PPIL6: variants seen among roughly 807,000 people sequenced by gnomAD.
The protein encoded by PPIL6 is probable inactive peptidyl-prolyl cis-trans isomerase-like 6.
In PPIL6, 39 loss-of-function variants were observed where a neutral mutation model predicts 36.8. The observed-to-expected ratio is 1.06, with a 90% CI of 0.82 to 1.38. PPIL6 has a LOEUF of 1.38. PPIL6 is among the 40% of genes most tolerant of loss of function. The pLI is 0.00. For synonymous variants in PPIL6, 123 were observed against 134.1 expected, an observed-to-expected ratio of 0.92 and a Z score of 0.57; for missense variants, 368 against 379.1, an observed-to-expected ratio of 0.97 and a Z score of 0.24.
In PPIL6 at chr6:109,431,362, CAA is replaced by C. The variant is rs58424410; in HGVS notation, c.232-19_232-18del. The C allele has an allele frequency of 2.7e-3, 2,856 of 1,065,286 alleles. No homozygotes were observed. The highest frequency in any genetic ancestry group is 4.5e-3 in the South Asian group (198 of 44,478). 66.0% of individuals were successfully genotyped at this position (1,065,286 alleles called of 1,614,324 possible). On this transcript the variant is annotated intron_variant, in intron 2 of 7. Coordinates refer to ENST00000521072, the MANE Select transcript of PPIL6 (RefSeq NM_173672.5). The stretch of plus-strand genomic sequence containing the variant: ...TTTGAGTTCCTGTAAGGGAAAAGGA[CAA>C]AAAAAAAAAAAAACGTAAGAAGTGG...
chr6:109,440,051 G>C (rs1774717651), intron 1 of PPIL6: 2 of 271,110 alleles, frequency 7.4e-6, no homozygotes, highest in South Asian at 5.8e-5. Context: ...GGCCGAGGTG[G>C]CGGGGTTGTA....
rs375393264 is a variant in PPIL6, at chr6:109,429,444, A to AT, written c.420+1712dup. ...TCAATCTTTCTTTAGGATCTATTGG[A>AT]TTTTTTTTTTCCTAATTAAAATCTG... is the stretch of plus-strand genomic sequence containing the variant. On this transcript the variant is annotated intron_variant, in intron 3 of 7. Transcript: ENST00000521072. Among the ~76,000 whole-genome samples the AT allele has an allele frequency of 5.6e-4, 84 of 150,672 alleles. 1 individual carries two copies. Among genetic ancestry groups the AT allele is most frequent in the African/African-American group, 1.7e-3 (71 of 41,122 alleles).
At chr6:109,432,346 G>A (rs545291085) in intron 2 of PPIL6, among the ~76,000 whole-genome samples, 2 of 152,272 alleles carry the variant, frequency 1.3e-5, no homozygotes, top group East Asian at 3.9e-4. Context: ...TCAAAATGCA[G>A]TGTGTTAGTG....
intron 7 of PPIL6, among the ~76,000 whole-genome samples, chr6:109,396,813 A>G (rs942219150): frequency 6.6e-6 from 1 of 152,008 alleles, no homozygotes; most frequent in Admixed American, 6.6e-5. Context: ...TTCCTGAAGG[A>G]CATTCCCAGT....
intron 3 of PPIL6, among the ~76,000 whole-genome samples, chr6:109,429,545 C>T (rs1774011897): frequency 6.6e-6 from 1 of 152,144 alleles, no homozygotes; most frequent in Admixed American, 6.6e-5. Context: ...CAGATTCTCC[C>T]TCTCCCCATG....
upstream of PPIL6, chr6:109,440,970 C>A: frequency 2.8e-6 from 2 of 724,834 alleles, no homozygotes; most frequent in Admixed American, 2.8e-5. Flanking sequence ...GAGTCGGGCC[C>A]GACCTGAGCC....
At chr6:109,399,953 A>G (rs1297700707) in intron 7 of PPIL6, 82 bp downstream of exon 7, 4 of 1,160,518 alleles carry the variant, frequency 3.4e-6, no homozygotes, top group South Asian at 1.7e-5. Flanking sequence ...CCTATACACT[A>G]TATACAATAC....
intron 3 of PPIL6, among the ~76,000 whole-genome samples, chr6:109,428,632 A>G (rs1374937270): frequency 6.6e-6 from 1 of 151,910 alleles, no homozygotes; most frequent in Non-Finnish European, 1.5e-5. Context: ...TCTAGGAAAC[A>G]TGAAATTAAA....
At chr6:109,430,881 T>C (rs1218185541) in intron 3 of PPIL6, among the ~76,000 whole-genome samples, 1 of 152,206 alleles carries the variant, frequency 6.6e-6, no homozygotes, top group African/African-American at 2.4e-5. Flanking sequence ...GTGGTCTTTA[T>C]ATTTTAAAAT....
intron 6 of PPIL6, chr6:109,402,995 G>A (rs1033991716): frequency 8.1e-6 from 11 of 1,354,690 alleles, no homozygotes; most frequent in Admixed American, 2.3e-5. Context: ...TTGTTCTGCC[G>A]TGTCTCTCTG....
chr6:109,424,737 G>A (rs1167323817), intron 5 of PPIL6, among the ~76,000 whole-genome samples: 1 of 152,182 alleles, frequency 6.6e-6, no homozygotes, highest in Non-Finnish European at 1.5e-5. Context: ...CCAAGATGGC[G>A]ATGAGAGTGA....
chr6:109,427,499 G>A (rs1203902894), intron 3 of PPIL6, among the ~76,000 whole-genome samples: 2 of 151,844 alleles, frequency 1.3e-5, no homozygotes, highest in Admixed American at 6.6e-5. Context: ...TCCTCCCACC[G>A]CAGCCTCTGA....
chr6:109,407,431 G>A (rs1425993537), intron 6 of PPIL6, among the ~76,000 whole-genome samples: 4 of 151,996 alleles, frequency 2.6e-5, no homozygotes, highest in Non-Finnish European at 5.9e-5. Flanking sequence ...AGTATAGACG[G>A]GGTTTTGCCG....
At chr6:109,401,051 T>G (rs9386803) in intron 6 of PPIL6, among the ~76,000 whole-genome samples, 132 of 134,148 alleles carry the variant, frequency 9.8e-4, no homozygotes, top group African/African-American at 3.7e-3. Flanking sequence ...TTTTTTTTTG[T>G]ATTTTTAGTA....
At chr6:109,411,420 T>C (rs1773007595) in intron 6 of PPIL6, among the ~76,000 whole-genome samples, 1 of 152,212 alleles carries the variant, frequency 6.6e-6, no homozygotes, top group Non-Finnish European at 1.5e-5. Flanking sequence ...TAGCTGAACA[T>C]GGTGGAGTCT....
intron 3 of PPIL6, 52 bp from the exon 4 acceptor site, chr6:109,427,208 G>T (rs766991933): frequency 8.5e-5 from 118 of 1,394,632 alleles, no homozygotes; most frequent in Non-Finnish European, 1.2e-4. Context: ...TTACAAGAAA[G>T]TTTTCAGAAA....
chr6:109,402,999 C>G, intron 6 of PPIL6: 5 of 1,419,496 alleles, frequency 3.5e-6, no homozygotes, highest in Non-Finnish European at 3.8e-6. Flanking sequence ...TCTGCCGTGT[C>G]TCTCTGACTC....
In PPIL6 at chr6:109,392,939, T is replaced by A; in HGVS notation, c.825-2A>T. On this transcript the variant is annotated splice_acceptor_variant, in intron 7 of 7. Coordinates refer to ENST00000521072, the MANE Select transcript of PPIL6 (RefSeq NM_173672.5). LOFTEE classifies it high-confidence loss of function. ...ACTTCTGTTCCTTCAATCAGTTGCC[T>A]ACATAGGAGAAAAAAATGGAAAATT... 1.3e-6 allele frequency: 2 copies of A among 1,568,564 alleles called. No homozygotes were observed. Among genetic ancestry groups the A allele is most frequent in the African/African-American group, 1.4e-5 (1 of 72,912 alleles).
At chr6:109,392,986 AT>A in intron 7 of PPIL6, 49 bp from the exon 8 acceptor site, 1 of 1,096,402 alleles carries the variant, frequency 9.1e-7, no homozygotes. Context: ...AAGTTTTCAT[AT>A]TTAGCTTAAC....
Sources: gnomAD v4.1 joint callset for allele counts (sites outside exome capture counted in the v4.1 genomes callset) on GRCh38, gnomAD v4.1.1 for gene constraint, MANE v1.5 for transcripts, NCBI Gene and HGNC (gene_info 2026-07-23, HGNC 2026-07-21) for gene names.